Variants in WWOX observed in about 807,000 individuals in gnomAD.
WWOX encodes the protein WW domain-containing oxidoreductase.
In WWOX, 69 loss-of-function variants were observed where a neutral mutation model predicts 46.2. That is an observed-to-expected ratio of 1.49 (90% CI 1.23 to 1.82). WWOX has a LOEUF of 1.82. Among genes scored for constraint, WWOX ranks in the 40% most tolerant of loss-of-function variants. The probability of loss-of-function intolerance (pLI) is 0.00; values close to 1 mark genes in which losing one functional copy is unlikely to be tolerated. For synonymous variants in WWOX, 359 were observed against 202.6 expected, an observed-to-expected ratio of 1.77 and a Z score of -6.56; for missense variants, 919 against 542.6, an observed-to-expected ratio of 1.69 and a Z score of -6.89.
intron 8 of WWOX, among the ~76,000 whole-genome samples, chr16:79,124,251 C>T (rs754338843): frequency 3.3e-5 from 5 of 152,032 alleles, no homozygotes; most frequent in South Asian, 2.1e-4. Flanking sequence ...ACTGGTCAAA[C>T]GGTGCAGAGC....
chr16:78,637,962 A>G (rs1030892681), intron 8 of WWOX, among the ~76,000 whole-genome samples: 3 of 152,130 alleles, frequency 2.0e-5, no homozygotes, highest in African/African-American at 7.2e-5. Context: ...TTCTTCTACC[A>G]GGTAGACCCA....
intron 5 of WWOX, among the ~76,000 whole-genome samples, chr16:78,336,861 C>A (rs1009978062): frequency 1.3e-5 from 2 of 152,088 alleles, no homozygotes; most frequent in African/African-American, 4.8e-5. Flanking sequence ...GGTGCAATCT[C>A]CTCCGCCTCC....
At chr16:78,206,536 A>G (rs1485124746) in intron 5 of WWOX, among the ~76,000 whole-genome samples, 1 of 152,184 alleles carries the variant, frequency 6.6e-6, no homozygotes, top group Non-Finnish European at 1.5e-5. Flanking sequence ...CTGGAGTAGG[A>G]ATGAGAAACC....
chr16:79,126,792 C>T (rs1053777694), intron 8 of WWOX, among the ~76,000 whole-genome samples: 1 of 152,068 alleles, frequency 6.6e-6, no homozygotes, highest in Non-Finnish European at 1.5e-5. Flanking sequence ...ATTTAGACTC[C>T]ATGCAGAATG....
rs376622174 is a variant in WWOX at position 78,104,231 on chromosome 16, A to AACACACACACACACACACAC, written c.108-4171_108-4152dup. Among the ~76,000 whole-genome samples, 216 of 130,216 alleles carry AACACACACACACACACACAC rather than the reference A, an allele frequency of 1.7e-3. 2 individuals are homozygous for AACACACACACACACACACAC. Among genetic ancestry groups the AACACACACACACACACACAC allele is most frequent in the African/African-American group, 4.7e-3 (159 of 34,056 alleles). The allele number at this position is 130,216 out of a possible 152,430, so 85.4% of individuals were successfully genotyped here. A position where few individuals can be genotyped will look rare whatever the true frequency, so the allele number is the denominator to read the frequency against. ...CCCTGCTAACTTACACTGTGCTCAA[A>AACACACACACACACACACAC]ACACACACACACACACACACACACA... On this transcript the variant is annotated intron_variant, in intron 1 of 8. Coordinates refer to ENST00000566780, the MANE Select transcript of WWOX (RefSeq NM_016373.4).
At chr16:78,968,029 C>A (rs1184918710) in intron 8 of WWOX, among the ~76,000 whole-genome samples, 1 of 152,208 alleles carries the variant, frequency 6.6e-6, no homozygotes, top group South Asian at 2.1e-4. Flanking sequence ...TCTACCATTC[C>A]TTGTGGCACA....
chr16:78,756,650 C>G (rs1465753430), intron 8 of WWOX, among the ~76,000 whole-genome samples: 4 of 152,032 alleles, frequency 2.6e-5, no homozygotes, highest in Non-Finnish European at 4.4e-5. Context: ...TTTTTACACT[C>G]CTTTGTTTCA....
rs1555513650 is a variant in WWOX at position 79,025,116 on chromosome 16, C to CTTTTT, written c.1057-186490_1057-186489insTTTTT. On this transcript the variant is annotated intron_variant, in intron 8 of 8. Transcript: ENST00000566780. ...AGCAGTGAAGAGTCAGGAAGGTGGG[C>CTTTTT]TTGTTTTGTTTTGTTTTGTTTTGTT... 1.9e-3 allele frequency among the ~76,000 whole-genome samples: 183 copies of CTTTTT among 96,722 alleles called. 1 individual carries two copies. The highest frequency in any genetic ancestry group is 3.3e-3 in the Non-Finnish European group (151 of 46,050). The allele number at this position is 96,722 out of a possible 152,430, so 63.5% of individuals were successfully genotyped here. A position where few individuals can be genotyped will look rare whatever the true frequency, so the allele number is the denominator to read the frequency against.
intron 8 of WWOX, among the ~76,000 whole-genome samples, chr16:79,162,295 C>A (rs2347567): frequency 0.58 from 88,050 of 152,064 alleles, 27,283 homozygotes; most frequent in East Asian, 0.9. Flanking sequence ...GGCTCTAAGG[C>A]GGAATTTACT....
chr16:78,995,545 A>G (rs1244176780), intron 8 of WWOX, among the ~76,000 whole-genome samples: 2 of 152,052 alleles, frequency 1.3e-5, no homozygotes, highest in Non-Finnish European at 2.9e-5. Flanking sequence ...GAAGATAAAT[A>G]TGGTTGCCAC....
intron 8 of WWOX, among the ~76,000 whole-genome samples, chr16:78,444,527 C>T (rs2083514332): frequency 6.8e-6 from 1 of 147,078 alleles, no homozygotes; most frequent in South Asian, 2.1e-4. Context: ...GGATGAGGAG[C>T]AATTCTTTTT....
At position 78,338,342 on chromosome 16, in the gene WWOX, T is replaced by C. The variant is rs1366570185; in HGVS notation, c.517-48518T>C. Among the ~76,000 whole-genome samples, 4 of 121,722 alleles carry C rather than the reference T, an allele frequency of 3.3e-5. 1 individual carries two copies. Among genetic ancestry groups the C allele is most frequent in the Non-Finnish European group, 7.9e-5 (4 of 50,870 alleles). The allele number at this position is 121,722 out of a possible 152,430, so 79.9% of individuals were successfully genotyped here. A position where few individuals can be genotyped will look rare whatever the true frequency, so the allele number is the denominator to read the frequency against. Reference sequence around the variant, plus strand: ...AGCTGCTGAGAGTTTGAATAGTATGTGAAGTCTGTAGAGACAAAATTGTTG... The same window carrying C: ...AGCTGCTGAGAGTTTGAATAGTATGCGAAGTCTGTAGAGACAAAATTGTTG... On this transcript the variant is annotated intron_variant, in intron 5 of 8. Coordinates refer to ENST00000566780, the MANE Select transcript of WWOX (RefSeq NM_016373.4).
chr16:78,334,849 CACACACAA>C (rs1280673908), intron 5 of WWOX, among the ~76,000 whole-genome samples: 3 of 127,264 alleles, frequency 2.4e-5, no homozygotes, highest in South Asian at 4.8e-4. Context: ...CACACACACA[CACACACAA>C]AATCACCAAA....
chr16:78,746,865 A>G (rs934848668), intron 8 of WWOX, among the ~76,000 whole-genome samples: 5 of 152,066 alleles, frequency 3.3e-5, no homozygotes, highest in Non-Finnish European at 7.4e-5. Flanking sequence ...GAACCCTTGA[A>G]ATTTTGAGGT....
At chr16:79,041,493 G>A (rs919842653) in intron 8 of WWOX, among the ~76,000 whole-genome samples, 1 of 152,188 alleles carries the variant, frequency 6.6e-6, no homozygotes. Flanking sequence ...GGATGATGGA[G>A]CAGGGATCAT....
intron 8 of WWOX, among the ~76,000 whole-genome samples, chr16:78,931,292 A>G (rs1191818198): frequency 1.3e-5 from 2 of 152,026 alleles, no homozygotes; most frequent in Admixed American, 6.6e-5. Context: ...GGTAAGAGAA[A>G]CTCCCAATCT....
At chr16:78,768,051 C>A (rs560134248) in intron 8 of WWOX, among the ~76,000 whole-genome samples, 4 of 152,004 alleles carry the variant, frequency 2.6e-5, no homozygotes, top group Admixed American at 2.6e-4. Context: ...GGTTGGTATT[C>A]CACCCCCTGT....
At chr16:78,702,817 C>G (rs76919001) in intron 8 of WWOX, among the ~76,000 whole-genome samples, 1 of 152,064 alleles carries the variant, frequency 6.6e-6, no homozygotes, top group Non-Finnish European at 1.5e-5. Context: ...TGCTGCGGGT[C>G]GAGGGAAACA....
At chr16:78,425,878 C>T (rs2083064478) in intron 7 of WWOX, among the ~76,000 whole-genome samples, 1 of 152,038 alleles carries the variant, frequency 6.6e-6, no homozygotes, top group African/African-American at 2.4e-5. Flanking sequence ...TTTTTTCCTC[C>T]TTCTTCTCCG....
Sources: gnomAD v4.1 joint callset for allele counts (sites outside exome capture counted in the v4.1 genomes callset) on GRCh38, gnomAD v4.1.1 for gene constraint, MANE v1.5 for transcripts, NCBI Gene and HGNC (gene_info 2026-07-23, HGNC 2026-07-21) for gene names.